The following PTPRZ1 variants were observed in gnomAD, a reference collection of about 807,000 sequenced individuals.
The protein encoded by PTPRZ1 is protein tyrosine phosphatase receptor type Z1, also known as receptor-type tyrosine-protein phosphatase zeta.
Under a neutral mutation model 214.1 loss-of-function variants are expected in PTPRZ1, and 82 were observed. The ratio of observed to expected loss-of-function variants is 0.38; its 90% CI spans 0.32 to 0.46. The LOEUF is 0.46. Ranked by LOEUF, PTPRZ1 falls within the 20% of genes least tolerant of loss-of-function variation. The pLI is 1.00. For missense variants in PTPRZ1, 2,603 were observed against 2,748.7 expected (o/e 0.95, Z 1.19); for synonymous variants, 945 against 987.9 (o/e 0.96, Z 0.81).
chr7:121,930,040 A>G (rs1199368066), intron 2 of PTPRZ1, among the ~76,000 whole-genome samples: 1 of 151,862 alleles, frequency 6.6e-6, no homozygotes, highest in Non-Finnish European at 1.5e-5. Context: ...TTTTATTACC[A>G]CTGAAGTCAT....
intron 6 of PTPRZ1, 71 bp downstream of exon 6, chr7:121,976,922 A>C: frequency 7.5e-7 from 1 of 1,334,054 alleles, no homozygotes. Context: ...ACAATACGAC[A>C]AAAGTCACTT....
chr7:121,873,433 C>T lies in PTPRZ1; in HGVS notation c.-67C>T. ...ACAAACAAAAAAAACATTTCCTTCG[C>T]TCCCCCTCCCTCTCCACTCTGAGAA... is the stretch of plus-strand genomic sequence containing the variant. On this transcript the variant is annotated 5_prime_UTR_variant, in exon 1 of 30. Coordinates refer to ENST00000393386, the MANE Select transcript of PTPRZ1 (RefSeq NM_002851.3). The T allele has an allele frequency of 6.5e-7, 1 of 1,528,194 alleles. No homozygotes were observed. The highest frequency in any genetic ancestry group is 2.3e-5 in the East Asian group (1 of 44,218). 94.7% of individuals were successfully genotyped at this position (1,528,194 alleles called of 1,614,324 possible). A position where few individuals can be genotyped will look rare whatever the true frequency, so the allele number is the denominator to read the frequency against.
intron 13 of PTPRZ1, among the ~76,000 whole-genome samples, chr7:122,027,178 T>C (rs1461863147): frequency 2.6e-5 from 4 of 151,792 alleles, no homozygotes; most frequent in East Asian, 1.9e-4. Flanking sequence ...GCAAAAGTGA[T>C]GGGAAGGAGG....
At chr7:122,025,696 C>G (rs1799190315) in intron 13 of PTPRZ1, among the ~76,000 whole-genome samples, 1 of 152,076 alleles carries the variant, frequency 6.6e-6, no homozygotes, top group Non-Finnish European at 1.5e-5. Context: ...AAAGGAGAAG[C>G]TGTGGTGCTA....
chr7:121,954,465 G>A lies in PTPRZ1; in HGVS notation c.125-13486G>A, dbSNP rs1220252820. Among the ~76,000 whole-genome samples, 4 of 152,018 alleles carry A rather than the reference G, an allele frequency of 2.6e-5. No individual in the cohort carries two copies. The South Asian group carries it at 8.3e-4, about 32-fold the overall frequency. The stretch of plus-strand genomic sequence containing the variant: ...ATGAATTTCTTCCTTACCTTCAGTT[G>A]GATACCTGTTTATTGAGACTTATTT... On this transcript the variant is annotated intron_variant, in intron 2 of 29. Transcript: ENST00000393386.
At chr7:121,992,117 G>A (rs542189194) in intron 8 of PTPRZ1, among the ~76,000 whole-genome samples, 1 of 152,266 alleles carries the variant, frequency 6.6e-6, no homozygotes, top group African/African-American at 2.4e-5. Context: ...GTAGTCTCAG[G>A]TAATTATGAC....
At chr7:121,907,804 CCTTT>C (rs1795161476) in intron 1 of PTPRZ1, among the ~76,000 whole-genome samples, 1 of 151,882 alleles carries the variant, frequency 6.6e-6, no homozygotes, top group Admixed American at 6.6e-5. Flanking sequence ...ATATCAAACA[CCTTT>C]CTTTTTCAAA....
intron 12 of PTPRZ1, among the ~76,000 whole-genome samples, chr7:122,014,419 TTTA>T (rs554374106): frequency 3.3e-5 from 5 of 152,050 alleles, no homozygotes; most frequent in East Asian, 1.9e-4. Context: ...GGGAGCTTTA[TTTA>T]TTATTATTAT....
At chr7:121,974,613 G>A (rs1483317522) in intron 4 of PTPRZ1, among the ~76,000 whole-genome samples, 1 of 152,000 alleles carries the variant, frequency 6.6e-6, no homozygotes. Flanking sequence ...TCAGCCTCTC[G>A]AGTTGCTGGG....
intron 1 of PTPRZ1, among the ~76,000 whole-genome samples, chr7:121,878,709 ATTAT>A (rs2116148621): frequency 6.6e-6 from 1 of 152,242 alleles, no homozygotes; most frequent in East Asian, 1.9e-4. Flanking sequence ...ACTCGACCAC[ATTAT>A]TTGAGGGTAA....
chr7:121,895,747 T>A (rs1248563991), intron 1 of PTPRZ1, among the ~76,000 whole-genome samples: 1 of 152,176 alleles, frequency 6.6e-6, no homozygotes, highest in Non-Finnish European at 1.5e-5. Flanking sequence ...GTCTGTACAC[T>A]AAACCGGTTA....
intron 1 of PTPRZ1, among the ~76,000 whole-genome samples, chr7:121,908,015 G>C (rs1346454630): frequency 1.3e-5 from 2 of 152,066 alleles, no homozygotes; most frequent in African/African-American, 4.8e-5. Flanking sequence ...AATGGAAGAA[G>C]TTGTTTGGCT....
intron 29 of PTPRZ1, 71 bp from the exon 30 acceptor site, chr7:122,061,009 A>T: frequency 6.9e-7 from 1 of 1,439,578 alleles, no homozygotes; most frequent in African/African-American, 1.4e-5. Flanking sequence ...GTCTAAAAAT[A>T]TTTCTTCTTT....
Position 121,873,434 on chromosome 7 carries a change from TC to T in PTPRZ1, c.-61del, listed in dbSNP as rs1273706813. ...CAAACAAAAAAAACATTTCCTTCGC[TC>T]CCCCTCCCTCTCCACTCTGAGAAGC... On this transcript the variant is annotated 5_prime_UTR_variant, in exon 1 of 30. Transcript: ENST00000393386. 5.2e-6 allele frequency: 8 copies of T among 1,526,394 alleles called. No homozygotes were observed. Among genetic ancestry groups the T allele is most frequent in the Non-Finnish European group, 7.2e-6 (8 of 1,109,538 alleles). 94.6% of individuals were successfully genotyped at this position (1,526,394 alleles called of 1,614,324 possible).
chr7:121,992,978 C>G (rs118058932), intron 8 of PTPRZ1, among the ~76,000 whole-genome samples: 2,796 of 152,232 alleles, frequency 0.018, 45 homozygotes, highest in Non-Finnish European at 0.03. Flanking sequence ...TAACCAGTAA[C>G]TAGGTTCTCC....
intron 2 of PTPRZ1, among the ~76,000 whole-genome samples, chr7:121,944,372 G>C (rs145620191): frequency 1.9e-4 from 29 of 152,094 alleles, no homozygotes; most frequent in Admixed American, 7.9e-4. Context: ...TTTAAAGCCT[G>C]GTAGTAGAGT....
intron 2 of PTPRZ1, among the ~76,000 whole-genome samples, chr7:121,931,393 G>A (rs1278733326): frequency 6.6e-6 from 1 of 152,118 alleles, no homozygotes; most frequent in African/African-American, 2.4e-5. Context: ...AGAGAACTCA[G>A]ATATTTACCA....
intron 13 of PTPRZ1, 54 bp downstream of exon 13, chr7:122,019,322 C>G (rs1798946293): frequency 1.3e-6 from 2 of 1,516,134 alleles, no homozygotes; most frequent in African/African-American, 2.8e-5. Context: ...AGATTTTGCC[C>G]ATATTTCATC....
intron 11 of PTPRZ1, among the ~76,000 whole-genome samples, chr7:122,005,543 A>G (rs974212251): frequency 2.6e-5 from 4 of 151,966 alleles, no homozygotes; most frequent in Admixed American, 2.6e-4. Flanking sequence ...CTATTTTACC[A>G]AAATGACCAG....
Sources: allele counts gnomAD v4.1 joint callset (sites outside exome capture counted in the v4.1 genomes callset), GRCh38; gene constraint gnomAD v4.1.1; transcripts MANE v1.5; gene names NCBI Gene and HGNC (gene_info 2026-07-23, HGNC 2026-07-21).